The following RGS8 variants were observed in gnomAD, a reference collection of about 807,000 sequenced individuals.
The protein encoded by RGS8 is regulator of G protein signaling 8.
RGS8 carries 8 observed loss-of-function variants against 21.7 expected under a neutral mutation model. That is an observed-to-expected ratio of 0.37 (90% confidence interval 0.22 to 0.66). The LOEUF is 0.66. Ranked by LOEUF, RGS8 falls within the 30% of genes least tolerant of loss-of-function variation. The pLI is 0.59. For missense variants in RGS8, 157 were observed against 217.9 expected, an observed-to-expected ratio of 0.72 and a Z score of 1.76; for synonymous variants, 80 against 83.6, an observed-to-expected ratio of 0.96 and a Z score of 0.24.
chr1:182,747,200 C>G, the RGS8 span, among the ~76,000 whole-genome samples: 1 of 151,404 alleles, frequency 6.6e-6, no homozygotes, highest in East Asian at 1.9e-4. Context: ...ATTCCTGGCC[C>G]TGCATCTTCT....
intron 1 of RGS8, among the ~76,000 whole-genome samples, chr1:182,681,809 C>A (rs1485717731): frequency 6.6e-6 from 1 of 152,230 alleles, no homozygotes; most frequent in African/African-American, 2.4e-5. Context: ...TGACACTTTT[C>A]CTTGAGAGAC....
chr1:182,722,876 G>A, the RGS8 span, among the ~76,000 whole-genome samples: 1 of 152,078 alleles, frequency 6.6e-6, no homozygotes, highest in African/African-American at 2.4e-5. Context: ...TACTTGGGAG[G>A]CTGAGGCAGG....
At chr1:182,706,284 T>C in the RGS8 span, among the ~76,000 whole-genome samples, 1 of 152,170 alleles carries the variant, frequency 6.6e-6, no homozygotes, top group African/African-American at 2.4e-5. Context: ...CCACCACACC[T>C]GGCCTGGAGA....
the RGS8 span, among the ~76,000 whole-genome samples, chr1:182,709,704 G>A: frequency 0.042 from 6,417 of 152,228 alleles, 187 homozygotes; most frequent in Non-Finnish European, 0.067. Context: ...TAAGAAAAAG[G>A]TGCAGAGTTG....
At chr1:182,703,614 C>T in the RGS8 span, among the ~76,000 whole-genome samples, 11 of 152,202 alleles carry the variant, frequency 7.2e-5, no homozygotes, top group African/African-American at 2.2e-4. Context: ...GAACCAATAT[C>T]AGCTATAACC....
the RGS8 span, among the ~76,000 whole-genome samples, chr1:182,701,231 C>G: frequency 2.0e-4 from 30 of 152,320 alleles, no homozygotes; most frequent in East Asian, 5.8e-3. Flanking sequence ...CATCATAAAT[C>G]AGCATTTTAG....
At chr1:182,654,758 G>A (rs1171723850) in intron 5 of RGS8, among the ~76,000 whole-genome samples, 1 of 152,144 alleles carries the variant, frequency 6.6e-6, no homozygotes, top group Admixed American at 6.5e-5. Context: ...TTAGATTCCT[G>A]GAGGAGTTAC....
At chr1:182,671,936 C>T (rs1460889383), upstream of RGS8, 5 of 1,416,636 alleles carry the variant, frequency 3.5e-6, no homozygotes, top group Non-Finnish European at 4.6e-6. Flanking sequence ...AAGCAGCCTA[C>T]ACCCAGCGGG....
chr1:182,672,836 C>G, upstream of RGS8: 1 of 1,614,188 alleles, frequency 6.2e-7, no homozygotes, highest in Non-Finnish European at 8.5e-7. Flanking sequence ...GGTCTTCACA[C>G]TGCCTGCTTC....
chr1:182,722,451 C>G, the RGS8 span, among the ~76,000 whole-genome samples: 1 of 151,296 alleles, frequency 6.6e-6, no homozygotes, highest in Non-Finnish European at 1.5e-5. Flanking sequence ...AGCCTGCAAC[C>G]AAGGTGTCAG....
the RGS8 span, among the ~76,000 whole-genome samples, chr1:182,703,664 T>A: frequency 6.6e-6 from 1 of 152,214 alleles, no homozygotes; most frequent in African/African-American, 2.4e-5. Context: ...GGGTCATGGA[T>A]AATAACCACA....
the RGS8 span, among the ~76,000 whole-genome samples, chr1:182,736,657 G>A: frequency 6.6e-6 from 1 of 152,222 alleles, no homozygotes; most frequent in South Asian, 2.1e-4. Context: ...CAACATAGAG[G>A]AGAGGGAAGG....
At chr1:182,674,815 G>A (rs1664303878), upstream of RGS8, among the ~76,000 whole-genome samples, 1 of 152,170 alleles carries the variant, frequency 6.6e-6, no homozygotes, top group Admixed American at 6.5e-5. Context: ...CTTGCTAGCT[G>A]CAGTTGGCAC....
chr1:182,657,025 C>T (rs1005169325), intron 5 of RGS8, among the ~76,000 whole-genome samples: 3 of 152,202 alleles, frequency 2.0e-5, no homozygotes, highest in African/African-American at 7.2e-5. Flanking sequence ...GCTGCAGGAG[C>T]CCCTCCTCTT....
chr1:182,700,163 G>C, the RGS8 span, among the ~76,000 whole-genome samples: 1 of 152,084 alleles, frequency 6.6e-6, no homozygotes, highest in Non-Finnish European at 1.5e-5. Context: ...GCTCCGGCGA[G>C]GGGGAGGGGG....
chr1:182,653,785 A>G (rs759990989), intron 5 of RGS8, among the ~76,000 whole-genome samples: 2 of 152,256 alleles, frequency 1.3e-5, no homozygotes, highest in Non-Finnish European at 2.9e-5. Flanking sequence ...CAGGAGCTGA[A>G]GTTCAAGAAA....
chr1:182,672,290 C>A (rs925896113), upstream of RGS8: 1 of 176,004 alleles, frequency 5.7e-6, no homozygotes, highest in South Asian at 1.4e-4. Context: ...GGAGCCACTC[C>A]AAATCAAATC....
At position 182,646,618 on chromosome 1, in the gene RGS8, A is replaced by G. The variant is rs1571302634; in HGVS notation, c.*117T>C. 7 of 858,056 alleles carry G rather than the reference A, an allele frequency of 8.2e-6. No individual in the cohort carries two copies. In the East Asian group the frequency reaches 1.8e-4, roughly 22 times the overall value. The allele number at this position is 858,056 out of a possible 1,614,324, so 53.2% of individuals were successfully genotyped here. ...GGCCCTTCATTCCCTCCTCACCCCC[A>G]GCCTCCCACCCCCAATGCCACCGCT... On this transcript the variant is annotated 3_prime_UTR_variant, in exon 7 of 7. Coordinates refer to ENST00000483095, the Ensembl canonical transcript of RGS8.
chr1:182,737,384 C>T, the RGS8 span, among the ~76,000 whole-genome samples: 1 of 151,778 alleles, frequency 6.6e-6, no homozygotes, highest in East Asian at 1.9e-4. Context: ...TGGCTGTGTC[C>T]CCACCGAAAT....
Sources: gnomAD v4.1 joint callset for allele counts (sites outside exome capture counted in the v4.1 genomes callset) on GRCh38, gnomAD v4.1.1 for gene constraint, MANE v1.5 for transcripts, NCBI Gene and HGNC (gene_info 2026-07-23, HGNC 2026-07-21) for gene names.